Variants in DMD observed in about 807,000 individuals in gnomAD.
The protein encoded by DMD is mutant dystrophin.
In DMD, 63 loss-of-function variants were observed where a neutral mutation model predicts 330.1. That is an observed-to-expected ratio of 0.19 (90% confidence interval 0.16 to 0.24). The LOEUF (loss-of-function observed/expected upper bound fraction) is 0.24. DMD is among the 10% of genes least tolerant of loss of function. The pLI, the probability that DMD is intolerant of heterozygous loss-of-function variation, is 1.00. For missense variants in DMD, 3,344 were observed against 2,684.1 expected, an observed-to-expected ratio of 1.25 and a Z score of -5.43; for synonymous variants, 1,223 against 959.8, an observed-to-expected ratio of 1.27 and a Z score of -5.07.
chrX:33,005,856 G>T (rs1283884583), intron 2 of DMD, among the ~76,000 whole-genome samples: 2 of 110,868 alleles, frequency 1.8e-5, no homozygotes, highest in African/African-American at 6.5e-5. Context: ...TAGAAAATCT[G>T]AAAGAATCGA....
Position 31,147,296 on chromosome X carries a change from C to T in DMD, c.10776G>A (p.Arg3592=), listed in dbSNP as rs1300903955. The T allele has an allele frequency of 8.3e-7, 1 of 1,210,260 alleles. No individual in the cohort carries two copies. Among genetic ancestry groups the T allele is most frequent in the Non-Finnish European group, 1.1e-6 (1 of 894,682 alleles). The part of the protein sequence containing the change: ...HNKQLESQLH[R]LRQLLEQPQA... ...TCACTTGCTCCAGCAGCTGCCTTAG[C>T]CTGTGTAACTGTGACTCCAGCTGTT... The change falls in exon 75 of 79, where the codon AGG becomes AGA. Residue 3592 remains arginine, a synonymous_variant. Coordinates refer to ENST00000357033, the MANE Select transcript of DMD (RefSeq NM_004006.3).
chrX:31,772,105 G>A (rs944666205), intron 51 of DMD, among the ~76,000 whole-genome samples: 2 of 112,122 alleles, frequency 1.8e-5, no homozygotes, highest in Admixed American at 9.5e-5. Context: ...TAATACAAAT[G>A]CCATCATTGG....
chrX:31,427,945 C>T (rs185695608), intron 60 of DMD, among the ~76,000 whole-genome samples: 185 of 111,808 alleles, frequency 1.7e-3, no homozygotes, highest in Middle Eastern at 4.6e-3. Flanking sequence ...AAGCCTCGGT[C>T]AACAAGAGAA....
At chrX:31,538,009 C>T (rs746830808) in intron 55 of DMD, among the ~76,000 whole-genome samples, 1 of 112,246 alleles carries the variant, frequency 8.9e-6, no homozygotes, top group South Asian at 3.7e-4. Context: ...TACCAGCAAA[C>T]ACAGTGATTA....
chrX:32,454,818 C>G lies in DMD; in HGVS notation c.3447G>C (p.Lys1149Asn), dbSNP rs935082261. Residue 1149 changes from lysine to asparagine, a missense_variant, in exon 26 of 79, where the codon AAG (lysine) becomes AAC (asparagine). Lys to Asn is a moderately conservative substitution (Grantham distance 94). Transcript: ENST00000357033. Reference protein sequence around the residue: ...DHMCQQVYARKEALKGGLEKT... With the variant: ...DHMCQQVYARNEALKGGLEKT... ...TCTCCAAACCTCCCTTCAAGGCCTC[C>G]TTTCTGGCATAGACCTTCCACAAAA... is the stretch of plus-strand genomic sequence containing the variant. 1 of 1,207,265 alleles carries G rather than the reference C, an allele frequency of 8.3e-7. No individual in the cohort carries two copies. Among genetic ancestry groups the G allele is most frequent in the African/African-American group, 1.7e-5 (1 of 57,431 alleles).
chrX:32,643,143 T>C (rs1301888947), intron 11 of DMD, among the ~76,000 whole-genome samples: 2 of 111,263 alleles, frequency 1.8e-5, no homozygotes, highest in African/African-American at 3.3e-5. Context: ...AGGCGAATAA[T>C]ATCAATATGC....
chrX:31,272,757 C>A (rs1206193079), intron 62 of DMD, among the ~76,000 whole-genome samples: 1 of 111,761 alleles, frequency 8.9e-6, no homozygotes, highest in African/African-American at 3.3e-5. Flanking sequence ...CTTTTCACTG[C>A]AAAATGGGAG....
chrX:33,285,127 T>C (rs1322237531), intron 1 of DMD, among the ~76,000 whole-genome samples: 1 of 111,795 alleles, frequency 8.9e-6, no homozygotes, highest in Admixed American at 9.5e-5. Context: ...TAATTTTATT[T>C]TATTGTGTTC....
chrX:31,724,152 G>A (rs1487938081), intron 52 of DMD, among the ~76,000 whole-genome samples: 1 of 112,296 alleles, frequency 8.9e-6, no homozygotes, highest in African/African-American at 3.2e-5. Context: ...GGTGCTAGAT[G>A]TCAAAAGAAG....
intron 41 of DMD, among the ~76,000 whole-genome samples, chrX:32,324,507 T>A (rs760723378): frequency 3.6e-5 from 4 of 111,432 alleles, no homozygotes; most frequent in Admixed American, 9.6e-5. Flanking sequence ...AATAATAGCA[T>A]CAAATGAAGT....
intron 54 of DMD, among the ~76,000 whole-genome samples, chrX:31,647,289 G>A (rs1384059924): frequency 5.4e-5 from 6 of 111,812 alleles, no homozygotes; most frequent in Admixed American, 4.8e-4. Flanking sequence ...AGTGAAGGGA[G>A]CATAGGCCTC....
intron 2 of DMD, among the ~76,000 whole-genome samples, chrX:33,004,796 T>C: frequency 9.0e-6 from 1 of 111,286 alleles, no homozygotes; most frequent in East Asian, 2.8e-4. Context: ...TCCTTTTGGG[T>C]TGTTCAGGAG....
intron 7 of DMD, among the ~76,000 whole-genome samples, chrX:32,702,772 T>A (rs1446158755): frequency 9.0e-6 from 1 of 111,440 alleles, no homozygotes; most frequent in Non-Finnish European, 1.9e-5. Flanking sequence ...ACAAAAATTC[T>A]AAGATGGATC....
intron 44 of DMD, among the ~76,000 whole-genome samples, chrX:32,201,045 C>G (rs1250015185): frequency 8.9e-6 from 1 of 111,803 alleles, no homozygotes; most frequent in Non-Finnish European, 1.9e-5. Context: ...GTAGCATTCA[C>G]ACAAATAGGA....
intron 44 of DMD, among the ~76,000 whole-genome samples, chrX:32,044,482 C>T (rs1428695143): frequency 9.1e-6 from 1 of 109,770 alleles, no homozygotes; most frequent in Non-Finnish European, 1.9e-5. Flanking sequence ...AGTGCAGTGG[C>T]ACGATCTCGG....
At chrX:32,775,959 C>T (rs758472871) in intron 7 of DMD, among the ~76,000 whole-genome samples, 6 of 111,999 alleles carry the variant, frequency 5.4e-5, no homozygotes, top group South Asian at 3.7e-4. Context: ...TCTCTGTGAA[C>T]GCATATAACC....
At chrX:32,845,279 G>A (rs2080556187) in intron 3 of DMD, among the ~76,000 whole-genome samples, 1 of 111,745 alleles carries the variant, frequency 8.9e-6, no homozygotes, top group South Asian at 3.7e-4. Context: ...AGGGTTAAAG[G>A]AAACCTTTTC....
chrX:31,174,947 T>C (rs1372518646), intron 71 of DMD, among the ~76,000 whole-genome samples: 1 of 111,505 alleles, frequency 9.0e-6, no homozygotes, highest in Non-Finnish European at 1.9e-5. Flanking sequence ...GACGTTTAAA[T>C]TGTCAAGAGG....
intron 59 of DMD, among the ~76,000 whole-genome samples, chrX:31,452,514 T>C (rs113808891): frequency 0.016 from 1,759 of 110,329 alleles, 36 homozygotes; most frequent in African/African-American, 0.055. Flanking sequence ...ACCCGGGAGG[T>C]GGAGGTTGCA....
Sources: gnomAD v4.1 joint callset for allele counts (sites outside exome capture counted in the v4.1 genomes callset) on GRCh38, gnomAD v4.1.1 for gene constraint, MANE v1.5 for transcripts, NCBI Gene and HGNC (gene_info 2026-07-23, HGNC 2026-07-21) for gene names.